DMRT1: variants seen among roughly 807,000 people sequenced by gnomAD.
DMRT1 encodes the protein doublesex- and mab-3-related transcription factor 1.
DMRT1 carries 7 observed loss-of-function variants against 32.3 expected under a neutral mutation model. That is an observed-to-expected ratio of 0.22 (90% CI 0.12 to 0.41). The LOEUF (loss-of-function observed/expected upper bound fraction) is 0.41. Among genes scored for constraint, DMRT1 ranks in the 10% least tolerant of loss-of-function variants. The probability of loss-of-function intolerance (pLI) is 1.00; values close to 1 mark genes in which losing one functional copy is unlikely to be tolerated. For missense variants in DMRT1, 625 were observed against 500.5 expected, an observed-to-expected ratio of 1.25 and a Z score of -2.37; for synonymous variants, 278 against 206.1, an observed-to-expected ratio of 1.35 and a Z score of -2.99.
Position 916,828 on chromosome 9 carries a change from T to C in DMRT1, c.888T>C (p.Pro296=). ...SQYRMHSYYP[P]PSYLGQSVPQ... Reference sequence around the variant, plus strand: ...ACAGGATGCATTCTTACTACCCGCCTCCCTCTTACCTGGGCCAGAGCGTGC... The same window carrying C: ...ACAGGATGCATTCTTACTACCCGCCCCCCTCTTACCTGGGCCAGAGCGTGC... Residue 296 remains proline, a synonymous_variant, in exon 4 of 5, where the codon CCT becomes CCC. Coordinates refer to ENST00000382276, the MANE Select transcript of DMRT1 (RefSeq NM_021951.3). The C allele has an allele frequency of 6.2e-7, 1 of 1,614,210 alleles. No individual in the cohort carries two copies. Among genetic ancestry groups the C allele is most frequent in the Non-Finnish European group, 8.5e-7 (1 of 1,180,036 alleles).
chr9:933,414 T>C (rs185696013), intron 4 of DMRT1, among the ~76,000 whole-genome samples: 2 of 152,340 alleles, frequency 1.3e-5, no homozygotes, highest in African/African-American at 4.8e-5. Context: ...GTTTCTGCGA[T>C]ACCACAGGTA....
chr9:893,864 G>A, intron 2 of DMRT1, 48 bp from the exon 3 acceptor site: 1 of 1,570,970 alleles, frequency 6.4e-7, no homozygotes, highest in Non-Finnish European at 8.7e-7. Context: ...AAGTTTCGTG[G>A]ACTAACATTA....
rs1187299814 is a variant in DMRT1, at chr9:842,125, T to G, written c.287T>G (p.Met96Arg). 1.3e-6 allele frequency: 2 copies of G among 1,548,216 alleles called. No homozygotes were observed. Among genetic ancestry groups the G allele is most frequent in the Admixed American group, 1.9e-5 (1 of 52,318 alleles). Residue 96 changes from methionine to arginine, a missense_variant, in exon 1 of 5, where the codon ATG becomes AGG. By Grantham distance (91) the Met-to-Arg change is moderately conservative. Transcript: ENST00000382276. ...CTCAAGGGCCACAAGCGCTTCTGCA[T>G]GTGGCGCGACTGCCAGTGCAAGAAG... ...SPLKGHKRFCMWRDCQCKKCN... is the reference protein window; with the variant it reads ...SPLKGHKRFCRWRDCQCKKCN...
chr9:933,839 G>T (rs916118273), intron 4 of DMRT1, among the ~76,000 whole-genome samples: 3 of 152,134 alleles, frequency 2.0e-5, no homozygotes, highest in Non-Finnish European at 2.9e-5. Flanking sequence ...ACATTGCAGG[G>T]TTTAAACCTG....
intron 2 of DMRT1, among the ~76,000 whole-genome samples, chr9:878,119 A>G (rs1816578792): frequency 6.6e-6 from 1 of 151,854 alleles, no homozygotes; most frequent in African/African-American, 2.4e-5. Flanking sequence ...ACACAGCCCC[A>G]CAGCCTTGCC....
intron 2 of DMRT1, among the ~76,000 whole-genome samples, chr9:870,439 C>T (rs1364714054): frequency 2.0e-5 from 3 of 149,542 alleles, no homozygotes; most frequent in East Asian, 2.0e-4. Context: ...TAGCTCTGGT[C>T]GCCATCCTGT....
rs375323271 is a variant in DMRT1 at position 873,338 on chromosome 9, G to A, written c.539-20574G>A. The stretch of plus-strand genomic sequence containing the variant: ...TTTTTTTTTTGAGATGGAGTTTTGC[G>A]CTTGTTGCCCAGGCTGGAGTGCAGT... On this transcript the variant is annotated intron_variant, in intron 2 of 4. Coordinates refer to ENST00000382276, the MANE Select transcript of DMRT1 (RefSeq NM_021951.3). Among the ~76,000 whole-genome samples the A allele has an allele frequency of 6.0e-5, 9 of 149,830 alleles. No individual in the cohort carries two copies. The South Asian group carries it at 1.5e-3, about 24-fold the overall frequency.
chr9:866,191 G>C (rs1245633768), intron 2 of DMRT1, among the ~76,000 whole-genome samples: 3 of 130,254 alleles, frequency 2.3e-5, no homozygotes, highest in African/African-American at 8.3e-5. Context: ...AAAAAAGACA[G>C]TGGTGGGTGT....
At chr9:927,225 G>A (rs370379709) in intron 4 of DMRT1, among the ~76,000 whole-genome samples, 8 of 152,350 alleles carry the variant, frequency 5.3e-5, no homozygotes, top group South Asian at 4.1e-4. Context: ...TCGGCCGGCC[G>A]CTGTCTTTGA....
At chr9:916,692 C>G in intron 3 of DMRT1, 71 bp from the exon 4 acceptor site, 1 of 1,569,112 alleles carries the variant, frequency 6.4e-7, no homozygotes, top group Non-Finnish European at 8.8e-7. Flanking sequence ...TTTTAAAGAA[C>G]TAGATAATTA....
chr9:941,726 T>C (rs745996257), intron 4 of DMRT1, among the ~76,000 whole-genome samples: 7 of 152,138 alleles, frequency 4.6e-5, no homozygotes, highest in Non-Finnish European at 8.8e-5. Context: ...ACCAAAAAAA[T>C]AGGAAGAAAA....
intron 3 of DMRT1, among the ~76,000 whole-genome samples, chr9:899,069 A>G (rs948297059): frequency 3.9e-5 from 6 of 152,148 alleles, no homozygotes; most frequent in Non-Finnish European, 7.3e-5. Context: ...CTAGTCATGT[A>G]TAGAAATGCT....
intron 1 of DMRT1, among the ~76,000 whole-genome samples, chr9:843,484 GA>G (rs1838778365): frequency 6.6e-6 from 1 of 152,130 alleles, no homozygotes; most frequent in Admixed American, 6.5e-5. Flanking sequence ...GAATTTTAAA[GA>G]ATATGCGCAG....
At chr9:898,772 A>G (rs1222073684) in intron 3 of DMRT1, among the ~76,000 whole-genome samples, 1 of 152,164 alleles carries the variant, frequency 6.6e-6, no homozygotes, top group Non-Finnish European at 1.5e-5. Flanking sequence ...CTCTCCTCCT[A>G]ACTTAACCAG....
chr9:845,300 C>T (rs907514713), intron 1 of DMRT1, among the ~76,000 whole-genome samples: 10 of 152,174 alleles, frequency 6.6e-5, no homozygotes, highest in Admixed American at 5.2e-4. Context: ...ACCTCCACCT[C>T]CTGGCTTCAA....
At chr9:946,865 A>G in intron 4 of DMRT1, among the ~76,000 whole-genome samples, 1 of 152,196 alleles carries the variant, frequency 6.6e-6, no homozygotes, top group Middle Eastern at 3.2e-3. Flanking sequence ...GCAAGTTTAC[A>G]CTGGCAGTAG....
intron 4 of DMRT1, among the ~76,000 whole-genome samples, chr9:918,676 C>T (rs956849943): frequency 6.6e-6 from 1 of 152,108 alleles, no homozygotes; most frequent in East Asian, 1.9e-4. Flanking sequence ...ACCCTGCTAA[C>T]CCACTAACAG....
At chr9:852,921 C>T (rs893728036) in intron 2 of DMRT1, among the ~76,000 whole-genome samples, 4 of 152,162 alleles carry the variant, frequency 2.6e-5, no homozygotes, top group Non-Finnish European at 5.9e-5. Context: ...AGAGAGCACA[C>T]GCCAGTTGGG....
In DMRT1 at chr9:867,366, C is replaced by T. The variant is rs144396573; in HGVS notation, c.538+20223C>T. On this transcript the variant is annotated intron_variant, in intron 2 of 4. Coordinates refer to ENST00000382276, the MANE Select transcript of DMRT1 (RefSeq NM_021951.3). ...ATTCCTCTCTGGGAAGCCAGGAGAG[C>T]GGGCAGTGCTTTATTCTGTGCCTCC... Among the ~76,000 whole-genome samples, 485 of 152,294 alleles carry T rather than the reference C, an allele frequency of 3.2e-3. 2 individuals carry two copies. Among genetic ancestry groups the T allele is most frequent in the African/African-American group, 0.01 (431 of 41,558 alleles).
Sources: gnomAD v4.1 joint callset for allele counts (sites outside exome capture counted in the v4.1 genomes callset) on GRCh38, gnomAD v4.1.1 for gene constraint, MANE v1.5 for transcripts, NCBI Gene and HGNC (gene_info 2026-07-23, HGNC 2026-07-21) for gene names.